The following ABCD3 variants were observed in gnomAD, a reference collection of about 807,000 sequenced individuals.
ABCD3 encodes ATP binding cassette subfamily D member 3.
ABCD3 carries 41 observed loss-of-function variants against 105.5 expected under a neutral mutation model. That is an observed-to-expected ratio of 0.39 (90% CI 0.30 to 0.50). The LOEUF is 0.50. Among genes scored for constraint, ABCD3 ranks in the 20% least tolerant of loss-of-function variants. The pLI is 0.84. For missense variants in ABCD3, 622 were observed against 806.3 expected (o/e 0.77, Z 2.77); for synonymous variants, 258 against 269.0 (o/e 0.96, Z 0.40).
intron 3 of ABCD3, 109 bp from the exon 4 acceptor site, chr1:94,467,810 A>G: frequency 1.4e-6 from 1 of 731,114 alleles, no homozygotes; most frequent in Non-Finnish European, 2.4e-6. Flanking sequence ...ACTATATTGA[A>G]ACTTACATAA....
chr1:94,443,166 T>G (rs903324868), intron 1 of ABCD3, among the ~76,000 whole-genome samples: 8 of 152,168 alleles, frequency 5.3e-5, no homozygotes, highest in Non-Finnish European at 1.2e-4. Flanking sequence ...TTTTGACTGG[T>G]ATAGGATGGT....
intron 1 of ABCD3, among the ~76,000 whole-genome samples, chr1:94,435,012 C>T (rs1043242410): frequency 1.5e-4 from 23 of 151,998 alleles, no homozygotes; most frequent in Non-Finnish European, 2.9e-4. Flanking sequence ...CCTACATATC[C>T]CCCTGCCACC....
intron 13 of ABCD3, among the ~76,000 whole-genome samples, chr1:94,488,895 GC>G (rs1426624192): frequency 6.6e-6 from 1 of 150,396 alleles, no homozygotes; most frequent in African/African-American, 2.5e-5. Flanking sequence ...TCGTCTCCCT[GC>G]CCCCCTTTCT....
At chr1:94,422,950 A>T (rs1659317299) in intron 1 of ABCD3, among the ~76,000 whole-genome samples, 1 of 152,108 alleles carries the variant, frequency 6.6e-6, no homozygotes, top group African/African-American at 2.4e-5. Flanking sequence ...TAGAGTTCGG[A>T]TTTCTCATCT....
At chr1:94,408,145 C>T in the ABCD3 span, among the ~76,000 whole-genome samples, 1 of 152,206 alleles carries the variant, frequency 6.6e-6, no homozygotes, top group African/African-American at 2.4e-5. Context: ...ACAGAGCTGT[C>T]ATTTCTATTA....
chr1:94,487,933 A>G lies in ABCD3; in HGVS notation c.1107A>G (p.Gln369=), dbSNP rs1331287847. 10 of 1,613,786 alleles carry G rather than the reference A, an allele frequency of 6.2e-6. No individual in the cohort carries two copies. The highest frequency in any genetic ancestry group is 8.5e-6 in the Non-Finnish European group (10 of 1,179,894). The change falls in exon 13 of 23, where the codon CAA becomes CAG. Residue 369 remains glutamine (Q), a synonymous_variant. Transcript: ENST00000370214. ...GAAGAATGCTTTTGCGAATGTCTCA[A>G]GCTCTGGGTCGAATAGTTTTGGCTG... The part of the protein sequence containing the change: ...QSGRMLLRMS[Q]ALGRIVLAGR...
chr1:94,494,326 T>C (rs1649693738), intron 16 of ABCD3, among the ~76,000 whole-genome samples: 1 of 152,200 alleles, frequency 6.6e-6, no homozygotes, highest in South Asian at 2.1e-4. Flanking sequence ...TCCTGGTGTT[T>C]ATCCTGTGAT....
At chr1:94,496,895 G>C (rs1319950307) in intron 16 of ABCD3, among the ~76,000 whole-genome samples, 1 of 151,364 alleles carries the variant, frequency 6.6e-6, no homozygotes, top group Non-Finnish European at 1.5e-5. Flanking sequence ...AGCCTCCTGA[G>C]TAGCTGGGAT....
intron 9 of ABCD3, 50 bp from the exon 10 acceptor site, chr1:94,483,120 C>T (rs761001751): frequency 2.7e-5 from 33 of 1,205,810 alleles, no homozygotes; most frequent in Non-Finnish European, 4.0e-5. Flanking sequence ...CAATTATTTT[C>T]CAAGCATAGG....
At chr1:94,441,708 A>G (rs1660139960) in intron 1 of ABCD3, among the ~76,000 whole-genome samples, 1 of 152,218 alleles carries the variant, frequency 6.6e-6, no homozygotes, top group Non-Finnish European at 1.5e-5. Context: ...AGTGATTTCT[A>G]GGAAACATTA....
rs1464392869 is a variant in ABCD3, at chr1:94,483,219, C to T, written c.877C>T (p.His293Tyr). The T allele has an allele frequency of 6.2e-7, 1 of 1,613,120 alleles. No individual in the cohort carries two copies. The highest frequency in any genetic ancestry group is 1.7e-5 in the Admixed American group (1 of 59,992). ...GAATAAAAGAGAAAAGCAGACAGTC[C>T]ACTCAGTCTTCCGAAAACTGGTAAG... is the stretch of plus-strand genomic sequence containing the variant. ...NGNKREKQTVHSVFRKLVEHL... is the reference protein window; with the variant it reads ...NGNKREKQTVYSVFRKLVEHL... Residue 293 changes from histidine to tyrosine, a missense_variant, in exon 10 of 23, where the codon CAC becomes TAC. Coordinates refer to ENST00000370214, the MANE Select transcript of ABCD3 (RefSeq NM_002858.4).
chr1:94,418,974 C>G (rs1659143537), intron 1 of ABCD3: 1 of 251,008 alleles, frequency 4.0e-6, no homozygotes, highest in Non-Finnish European at 7.8e-6. Flanking sequence ...TTTGCCATCT[C>G]ATCTTCAGAC....
At chr1:94,410,742 T>G in the ABCD3 span, among the ~76,000 whole-genome samples, 1 of 152,202 alleles carries the variant, frequency 6.6e-6, no homozygotes, top group Non-Finnish European at 1.5e-5. Context: ...TCACAGCTAG[T>G]GCACACAGAT....
chr1:94,496,470 T>C (rs1649804336), intron 16 of ABCD3, among the ~76,000 whole-genome samples: 1 of 152,050 alleles, frequency 6.6e-6, no homozygotes, highest in Non-Finnish European at 1.5e-5. Flanking sequence ...TGTGTGTGTG[T>C]GTGTGTGTCA....
At chr1:94,467,165 ACT>A (rs1648179954) in intron 3 of ABCD3, among the ~76,000 whole-genome samples, 1 of 152,062 alleles carries the variant, frequency 6.6e-6, no homozygotes, top group South Asian at 2.1e-4. Context: ...ATGTGTGTAA[ACT>A]CAGTACAGTA....
chr1:94,397,943 T>C, the ABCD3 span, among the ~76,000 whole-genome samples: 15 of 152,206 alleles, frequency 9.9e-5, no homozygotes, highest in Admixed American at 5.2e-4. Flanking sequence ...ACAATAATTA[T>C]TACTGAGATG....
intron 1 of ABCD3, among the ~76,000 whole-genome samples, chr1:94,447,414 A>G (rs1055445297): frequency 5.3e-5 from 8 of 152,218 alleles, no homozygotes; most frequent in Non-Finnish European, 1.0e-4. Flanking sequence ...TTTAATAGTC[A>G]TAGATTTAAA....
chr1:94,396,212 C>T, the ABCD3 span, among the ~76,000 whole-genome samples: 7 of 152,174 alleles, frequency 4.6e-5, no homozygotes, highest in Non-Finnish European at 7.3e-5. Flanking sequence ...GGGCAAGTTC[C>T]TCAGTGTCTC....
chr1:94,491,573 G>T (rs1488101741), intron 16 of ABCD3, among the ~76,000 whole-genome samples: 1 of 152,064 alleles, frequency 6.6e-6, no homozygotes. Context: ...ACATTAAAAA[G>T]AAACTTATGG....
Sources: gnomAD v4.1 joint callset for allele counts (sites outside exome capture counted in the v4.1 genomes callset) on GRCh38, gnomAD v4.1.1 for gene constraint, MANE v1.5 for transcripts, NCBI Gene and HGNC (gene_info 2026-07-23, HGNC 2026-07-21) for gene names.